Variants in DBNDD1 observed in about 807,000 individuals in gnomAD.
The protein encoded by DBNDD1 is dysbindin domain-containing protein 1.
A neutral mutation model predicts 17.0 loss-of-function variants in DBNDD1; 14 were observed. The observed-to-expected ratio is 0.82, with a 90% CI of 0.54 to 1.29. The LOEUF is 1.29. DBNDD1 is among the 50% of genes most tolerant of loss of function. The pLI, the probability that DBNDD1 is intolerant of heterozygous loss-of-function variation, is 0.00. For synonymous variants in DBNDD1, 105 were observed against 102.0 expected (o/e 1.03, Z -0.18); for missense variants, 221 against 216.2 (o/e 1.02, Z -0.14).
At position 90,017,443 on chromosome 16, in the gene DBNDD1, C is replaced by T. The variant is rs1019237562; in HGVS notation, c.31+1868G>A. 3.3e-5 allele frequency among the ~76,000 whole-genome samples: 5 copies of T among 151,690 alleles called. No homozygotes were observed. In the South Asian group the frequency reaches 1.0e-3, roughly 32 times the overall value. ...CCGGGAGGTGGAGGTTGCAGTGAGC[C>T]GAGATCGCGCCACTGCACTCCGGCC... On this transcript the variant is annotated intron_variant, in intron 1 of 3. Transcript: ENST00000002501.
intron 1 of DBNDD1, chr16:90,009,847 C>T (rs1201704127): frequency 4.7e-6 from 5 of 1,058,594 alleles, no homozygotes; most frequent in South Asian, 1.5e-5. Flanking sequence ...CTCTTGGTCC[C>T]CTTCAAACCA....
intron 1 of DBNDD1, chr16:90,010,112 C>A: frequency 6.7e-7 from 1 of 1,485,482 alleles, no homozygotes; most frequent in Non-Finnish European, 9.4e-7. Flanking sequence ...GTGGTGCAAT[C>A]TCGGCTCACT....
intron 1 of DBNDD1, among the ~76,000 whole-genome samples, chr16:90,016,164 C>A (rs550017218): frequency 2.0e-5 from 3 of 152,088 alleles, no homozygotes; most frequent in Non-Finnish European, 4.4e-5. Flanking sequence ...CTGGGTAGAG[C>A]GAGAAGCATC....
rs59831191 is a variant in DBNDD1 at position 90,013,262 on chromosome 16, T to TAAAA, written c.32-3836_32-3833dup. ...TGAGCAACAGAGCGAAACCTTGCCT[T>TAAAA]AAAAAAAAAAAAAAAAAAAAAGACA... On this transcript the variant is annotated intron_variant, in intron 1 of 3. Coordinates refer to ENST00000002501, the MANE Select transcript of DBNDD1 (RefSeq NM_001042610.3). Among the ~76,000 whole-genome samples, 255 of 49,132 alleles carry TAAAA rather than the reference T, an allele frequency of 5.2e-3. 36 individuals are homozygous for TAAAA. The highest frequency in any genetic ancestry group is 0.014 in the African/African-American group (195 of 14,262). 32.2% of individuals were successfully genotyped at this position (49,132 alleles called of 152,430 possible).
rs1189407943 is a variant in DBNDD1 at position 90,004,972 on chromosome 16, G to C, written c.*1363C>G. On this transcript the variant is annotated 3_prime_UTR_variant, in exon 4 of 4. Coordinates refer to ENST00000002501, the MANE Select transcript of DBNDD1 (RefSeq NM_001042610.3). The stretch of plus-strand genomic sequence containing the variant: ...ATGGGGAGGAAGACCCTGGCGGGTG[G>C]AAGTGTGGCCAGGGACACAAGGCTG... The C allele has an allele frequency of 6.5e-6, 1 of 152,808 alleles. No homozygotes were observed. The highest frequency in any genetic ancestry group is 1.5e-5 in the Non-Finnish European group (1 of 68,140). The allele number at this position is 152,808 out of a possible 1,614,324, so 9.5% of individuals were successfully genotyped here.
chr16:90,019,740 C>T, upstream of DBNDD1: 1 of 659,062 alleles, frequency 1.5e-6, no homozygotes, highest in South Asian at 1.6e-5. This position sits in a 1 kb window ranked among gnomAD's most constrained non-coding sequence, Gnocchi z 6.1. Context: ...GGCGGCCGCG[C>T]CCGCTGGCGT....
At chr16:90,014,876 G>A (rs1457001294) in intron 1 of DBNDD1, among the ~76,000 whole-genome samples, 6 of 152,094 alleles carry the variant, frequency 3.9e-5, no homozygotes, top group African/African-American at 1.4e-4. Context: ...GTGGTGGTAC[G>A]TGCCTGTAGT....
At chr16:90,018,059 C>T (rs1235826217) in intron 1 of DBNDD1, among the ~76,000 whole-genome samples, 2 of 152,214 alleles carry the variant, frequency 1.3e-5, no homozygotes, top group Admixed American at 1.3e-4. Flanking sequence ...GCTCCCACAG[C>T]CCTGCAGGGG....
chr16:90,005,211 C>T lies in DBNDD1; in HGVS notation c.*1124G>A, dbSNP rs1313474866. ...GAAGGCCAGGAGCCTGTTTTCCTTCCCCAGAAGTGTGCTCATGGGAAATGG... is the reference window on the plus strand; with the variant it reads ...GAAGGCCAGGAGCCTGTTTTCCTTCTCCAGAAGTGTGCTCATGGGAAATGG... On this transcript the variant is annotated 3_prime_UTR_variant, in exon 4 of 4. Coordinates refer to ENST00000002501, the MANE Select transcript of DBNDD1 (RefSeq NM_001042610.3). The T allele has an allele frequency of 1.3e-5, 2 of 152,366 alleles. No individual in the cohort carries two copies. The highest frequency in any genetic ancestry group is 2.9e-5 in the Non-Finnish European group (2 of 68,120). 9.4% of individuals were successfully genotyped at this position (152,366 alleles called of 1,614,324 possible).
At chr16:90,008,945 G>C in intron 2 of DBNDD1, 21 bp from the exon 3 acceptor site, 2 of 1,535,348 alleles carry the variant, frequency 1.3e-6, no homozygotes, top group Non-Finnish European at 1.8e-6. Context: ...AGGGGGTACA[G>C]TCAGCCCTCA....
intron 1 of DBNDD1, among the ~76,000 whole-genome samples, chr16:90,015,186 C>T (rs577394181): frequency 4.6e-5 from 7 of 152,142 alleles, no homozygotes; most frequent in Middle Eastern, 3.4e-3. Context: ...AGTCTGGTGC[C>T]GTGGTCTGTG....
At chr16:90,011,930 C>G (rs917932046) in intron 1 of DBNDD1, among the ~76,000 whole-genome samples, 6 of 152,194 alleles carry the variant, frequency 3.9e-5, no homozygotes, top group African/African-American at 1.4e-4. Context: ...TCCAGGAGAC[C>G]CAGCCTGGCC....
chr16:90,019,800 G>A (rs1380316498), upstream of DBNDD1: 4 of 688,574 alleles, frequency 5.8e-6, no homozygotes, highest in Non-Finnish European at 1.1e-5. The surrounding 1 kb of genome is among the most constrained non-coding windows in gnomAD (Gnocchi z 6.1). Context: ...ACTGTGTGCG[G>A]GCGCCCCTCG....
chr16:90,010,491 C>T (rs985298849), intron 1 of DBNDD1, among the ~76,000 whole-genome samples: 2 of 151,206 alleles, frequency 1.3e-5, no homozygotes, highest in African/African-American at 4.9e-5. Context: ...CCTCAGCCTC[C>T]TTAGTAGCTG....
chr16:90,011,303 C>G (rs1337014774), intron 1 of DBNDD1, among the ~76,000 whole-genome samples: 1 of 152,202 alleles, frequency 6.6e-6, no homozygotes, highest in Non-Finnish European at 1.5e-5. Flanking sequence ...AGCTGGCAGC[C>G]TAGATACTGC....
chr16:90,013,955 G>T (rs1597582727), intron 1 of DBNDD1, among the ~76,000 whole-genome samples: 1 of 151,818 alleles, frequency 6.6e-6, no homozygotes, highest in African/African-American at 2.4e-5. Context: ...ATAAAGGCCT[G>T]AGCAGAGTGC....
intron 3 of DBNDD1, among the ~76,000 whole-genome samples, chr16:90,008,154 G>T (rs79402650): frequency 1.9e-4 from 9 of 46,246 alleles, no homozygotes; most frequent in Admixed American, 1.0e-3. Flanking sequence ...CTCCCAGGAC[G>T]TCCCAAGGGG....
chr16:90,010,206 C>T (rs371889068), intron 1 of DBNDD1: 118 of 608,904 alleles, frequency 1.9e-4, no homozygotes, highest in African/African-American at 1.8e-3. Context: ...CCAGCACGCC[C>T]GGCTAATTTT....
chr16:90,018,934 T>C (rs2035705474), intron 1 of DBNDD1, among the ~76,000 whole-genome samples: 2 of 152,012 alleles, frequency 1.3e-5, no homozygotes, highest in Admixed American at 1.3e-4. Flanking sequence ...GCGGCCAGCG[T>C]CGCCCTCACG....
Sources: gnomAD v4.1 joint callset for allele counts (sites outside exome capture counted in the v4.1 genomes callset) on GRCh38, gnomAD v4.1.1 for gene constraint, Gnocchi (gnomAD v3.1) non-coding constraint, MANE v1.5 for transcripts, NCBI Gene and HGNC (gene_info 2026-07-23, HGNC 2026-07-21) for gene names.